NPAS3: variants seen among roughly 807,000 people sequenced by gnomAD.
NPAS3 encodes the protein neuronal PAS domain-containing protein 3.
A neutral mutation model predicts 73.1 loss-of-function variants in NPAS3; 14 were observed. The observed-to-expected ratio is 0.19, with a 90% CI of 0.13 to 0.30. The LOEUF is 0.30. Among genes scored for constraint, NPAS3 ranks in the 10% least tolerant of loss-of-function variants. NPAS3 has a pLI of 1.00. For missense variants in NPAS3, 1,096 were observed against 1,250.0 expected, an observed-to-expected ratio of 0.88 and a Z score of 1.86; for synonymous variants, 620 against 541.5, an observed-to-expected ratio of 1.14 and a Z score of -2.01.
intron 5 of NPAS3, among the ~76,000 whole-genome samples, chr14:33,635,078 C>A (rs73272961): frequency 0.2 from 30,047 of 151,974 alleles, 4,567 homozygotes; most frequent in African/African-American, 0.43. Flanking sequence ...TGGAGAAAAG[C>A]GGGGCCCAGG....
rs181978814 is a variant in NPAS3 at position 33,402,382 on chromosome 14, G to A, written c.468+35114G>A. ...CCACTGAGAAATGGGTTGGAAAAGC[G>A]GTACTTTTTGGATCTGGACAAACTC... On this transcript the variant is annotated intron_variant, in intron 4 of 11. Transcript: ENST00000356141. Among the ~76,000 whole-genome samples, 324 of 152,106 alleles carry A rather than the reference G, an allele frequency of 2.1e-3. 1 individual carries two copies. Among genetic ancestry groups the A allele is most frequent in the African/African-American group, 5.4e-3 (226 of 41,522 alleles).
rs753961922 is a variant in NPAS3, at chr14:33,800,030, C to T, written c.1723C>T (p.Leu575Phe). Residue 575 changes from leucine (L) to phenylalanine (F), a missense_variant, in exon 12 of 12, where the codon CTC (leucine) becomes TTC (phenylalanine). Leu to Phe is a conservative substitution (Grantham distance 22, BLOSUM62 0). This residue lies in a region of NPAS3 where 698 missense variants were observed against 676.7 expected (regional missense o/e 1.03). Transcript: ENST00000356141. This position sits in a 1 kb window ranked among gnomAD's most constrained non-coding sequence, Gnocchi z 6.5. ...CCTGCGGCTGCAGAACTGCGAGTCA[C>T]TCACGTCCGACAGCGCCAAGGACTC... 3.1e-6 allele frequency: 5 copies of T among 1,610,350 alleles called. No homozygotes were observed. The highest frequency in any genetic ancestry group is 1.1e-5 in the South Asian group (1 of 90,964).
intron 1 of NPAS3, among the ~76,000 whole-genome samples, chr14:33,021,102 C>T (rs1238978271): frequency 6.6e-6 from 1 of 152,122 alleles, no homozygotes; most frequent in Non-Finnish European, 1.5e-5. Context: ...TTCTTTTGTA[C>T]CCACTGCCTC....
intron 1 of NPAS3, among the ~76,000 whole-genome samples, chr14:33,048,933 C>T (rs183591597): frequency 2.6e-4 from 40 of 152,284 alleles, no homozygotes; most frequent in African/African-American, 9.1e-4. Context: ...GGAAGAGAAG[C>T]TTTCGATGGA....
At chr14:33,365,706 C>T (rs1051077495) in intron 3 of NPAS3, among the ~76,000 whole-genome samples, 3 of 152,148 alleles carry the variant, frequency 2.0e-5, no homozygotes, top group African/African-American at 2.4e-5. Context: ...TTAACACACA[C>T]GCATTTTCAC....
At chr14:33,650,578 A>AT (rs1206589445) in intron 5 of NPAS3, among the ~76,000 whole-genome samples, 3 of 152,198 alleles carry the variant, frequency 2.0e-5, no homozygotes, top group African/African-American at 7.2e-5. Context: ...CCACGTGCAC[A>AT]TTATTCATCC....
At chr14:33,012,873 A>G (rs1595224934) in intron 1 of NPAS3, among the ~76,000 whole-genome samples, 1 of 152,162 alleles carries the variant, frequency 6.6e-6, no homozygotes, top group African/African-American at 2.4e-5. Context: ...TTTGATTAAC[A>G]TGTTTATATA....
intron 3 of NPAS3, among the ~76,000 whole-genome samples, chr14:33,310,790 TACACACACACACACACACACAC>T (rs57506320): frequency 3.5e-5 from 5 of 142,144 alleles, no homozygotes; most frequent in African/African-American, 7.7e-5. Context: ...AAATGTATGG[TACACACACACACACACACACAC>T]ACACACACAC....
chr14:33,095,475 G>C (rs1304738214), intron 2 of NPAS3, among the ~76,000 whole-genome samples: 1 of 152,042 alleles, frequency 6.6e-6, no homozygotes, highest in Non-Finnish European at 1.5e-5. Context: ...CTTTTCTCCT[G>C]TCCTCTGCAG....
Position 33,774,547 on chromosome 14 carries a change from T to A in NPAS3, c.1046+17T>A. 1 of 1,605,556 alleles carries A rather than the reference T, an allele frequency of 6.2e-7. No individual in the cohort carries two copies. The highest frequency in any genetic ancestry group is 8.5e-7 in the Non-Finnish European group (1 of 1,172,608). On this transcript the variant is annotated intron_variant, in intron 8 of 11. Transcript: ENST00000356141. ...TGAAAATAGGTACTTTGTTTTTGTT[T>A]TCATTTGCCCTGTTGCACGTTGCAC... is the stretch of plus-strand genomic sequence containing the variant.
At chr14:33,699,161 C>A (rs1275421989) in intron 6 of NPAS3, among the ~76,000 whole-genome samples, 1 of 152,080 alleles carries the variant, frequency 6.6e-6, no homozygotes, top group South Asian at 2.1e-4. Flanking sequence ...CAAAAAAAAA[C>A]ATGTGCATGT....
chr14:33,268,354 T>G (rs923599101), intron 3 of NPAS3, among the ~76,000 whole-genome samples: 1 of 152,184 alleles, frequency 6.6e-6, no homozygotes, highest in Non-Finnish European at 1.5e-5. Context: ...TATCTCTCCA[T>G]AGAAGATTTT....
chr14:33,163,247 G>A (rs1232430183), intron 2 of NPAS3, among the ~76,000 whole-genome samples: 1 of 152,320 alleles, frequency 6.6e-6, no homozygotes, highest in Non-Finnish European at 1.5e-5. Context: ...GTTGTCCATT[G>A]ACGACCCTCT....
chr14:33,400,148 G>T (rs2047388905), intron 4 of NPAS3, among the ~76,000 whole-genome samples: 1 of 152,022 alleles, frequency 6.6e-6, no homozygotes, highest in South Asian at 2.1e-4. Flanking sequence ...CATTGTATAA[G>T]AATTTTCCTT....
intron 5 of NPAS3, among the ~76,000 whole-genome samples, chr14:33,614,520 C>A (rs899210400): frequency 6.6e-6 from 1 of 152,140 alleles, no homozygotes; most frequent in Non-Finnish European, 1.5e-5. Flanking sequence ...GGGGTCCAGT[C>A]CCTGTGGGCC....
chr14:33,670,114 C>T (rs1421793703), intron 5 of NPAS3, among the ~76,000 whole-genome samples: 2 of 152,038 alleles, frequency 1.3e-5, no homozygotes, highest in African/African-American at 4.8e-5. Flanking sequence ...GAAAAATGTA[C>T]GTACAACAAA....
At chr14:33,258,848 C>T (rs1004701405) in intron 3 of NPAS3, among the ~76,000 whole-genome samples, 7 of 152,156 alleles carry the variant, frequency 4.6e-5, no homozygotes, top group South Asian at 2.1e-4. Context: ...GAGTCTCGCT[C>T]TGTCACCAAG....
intron 5 of NPAS3, among the ~76,000 whole-genome samples, chr14:33,612,118 C>T (rs1316576921): frequency 6.6e-6 from 1 of 152,102 alleles, no homozygotes; most frequent in African/African-American, 2.4e-5. Flanking sequence ...TAGTGTGCTG[C>T]TCCTCTCTTC....
At chr14:33,733,497 C>A (rs1356835270) in intron 6 of NPAS3, among the ~76,000 whole-genome samples, 4 of 152,026 alleles carry the variant, frequency 2.6e-5, no homozygotes, top group Non-Finnish European at 5.9e-5. Context: ...CTAATGAGCT[C>A]ATTTAATTCA....
Sources: gnomAD v4.1 joint callset for allele counts (sites outside exome capture counted in the v4.1 genomes callset) on GRCh38, gnomAD v4.1.1 for gene constraint, gnomAD v4.1.1 regional missense constraint, Gnocchi (gnomAD v3.1) non-coding constraint, MANE v1.5 for transcripts, NCBI Gene and HGNC (gene_info 2026-07-23, HGNC 2026-07-21) for gene names.